ZCCHC7: variants seen among roughly 807,000 people sequenced by gnomAD.
ZCCHC7 encodes zinc finger CCHC domain-containing protein 7.
A neutral mutation model predicts 52.0 loss-of-function variants in ZCCHC7; 35 were observed. The ratio of observed to expected loss-of-function variants is 0.67; its 90% confidence interval spans 0.51 to 0.89. The LOEUF is 0.89. Ranked by LOEUF, ZCCHC7 falls within the 40% of genes least tolerant of loss-of-function variation. ZCCHC7 has a pLI of 0.00. For synonymous variants in ZCCHC7, 217 were observed against 221.5 expected, an observed-to-expected ratio of 0.98 and a Z score of 0.18; for missense variants, 574 against 649.1, an observed-to-expected ratio of 0.88 and a Z score of 1.26.
chr9:37,174,269 A>G lies in ZCCHC7; in HGVS notation c.610+47327A>G, dbSNP rs183326377. 2.5e-3 allele frequency among the ~76,000 whole-genome samples: 380 copies of G among 152,258 alleles called. 2 individuals carry two copies. The highest frequency in any genetic ancestry group is 8.5e-3 in the African/African-American group (353 of 41,548). On this transcript the variant is annotated intron_variant, in intron 2 of 8. Coordinates refer to ENST00000336755, the MANE Select transcript of ZCCHC7 (RefSeq NM_032226.3). Reference sequence around the variant, plus strand: ...GGTTGCGGTGAGCTGAGATCACACCACTGCACTCCAGCCTCTAGTCTGGGT... The same window carrying G: ...GGTTGCGGTGAGCTGAGATCACACCGCTGCACTCCAGCCTCTAGTCTGGGT...
chr9:37,218,864 G>A (rs1480842518), intron 2 of ZCCHC7, among the ~76,000 whole-genome samples: 5 of 151,530 alleles, frequency 3.3e-5, no homozygotes, highest in African/African-American at 1.2e-4. Context: ...GAAAGAAGGT[G>A]TTAGAGAGGG....
At chr9:37,331,949 A>G (rs1296270307) in intron 6 of ZCCHC7, among the ~76,000 whole-genome samples, 2 of 151,530 alleles carry the variant, frequency 1.3e-5, no homozygotes, top group Non-Finnish European at 3.0e-5. Context: ...TATTGGTACC[A>G]TTTTTGAGGC....
intron 2 of ZCCHC7, among the ~76,000 whole-genome samples, chr9:37,263,609 CT>C (rs2133456563): frequency 1.3e-5 from 2 of 152,186 alleles, no homozygotes; most frequent in South Asian, 4.1e-4. Context: ...GACATCAGGC[CT>C]TTTCATTTAT....
chr9:37,328,677 A>G (rs534592725), intron 6 of ZCCHC7, among the ~76,000 whole-genome samples: 2 of 152,088 alleles, frequency 1.3e-5, no homozygotes, highest in African/African-American at 4.8e-5. Flanking sequence ...TTACACAAAG[A>G]CAGGTTGTAA....
In ZCCHC7 at chr9:37,302,322, G is replaced by A; in HGVS notation, c.654+91G>A. 3 of 1,073,298 alleles carry A rather than the reference G, an allele frequency of 2.8e-6. 1 individual carries two copies. The highest frequency in any genetic ancestry group is 2.9e-5 in the South Asian group (2 of 69,944). The allele number at this position is 1,073,298 out of a possible 1,614,324, so 66.5% of individuals were successfully genotyped here. ...ACTTTTGGAACATTAATAAGTTTAA[G>A]TGGCTTATAAGAAAACATTTGATTT... On this transcript the variant is annotated intron_variant, in intron 3 of 8. Transcript: ENST00000336755.
At chr9:37,177,818 T>G (rs559175021) in intron 2 of ZCCHC7, among the ~76,000 whole-genome samples, 3 of 152,178 alleles carry the variant, frequency 2.0e-5, no homozygotes, top group Non-Finnish European at 4.4e-5. Flanking sequence ...GTAGAATACC[T>G]AACCCAGTAT....
chr9:37,266,032 T>C (rs1003122573), intron 2 of ZCCHC7, among the ~76,000 whole-genome samples: 6 of 152,224 alleles, frequency 3.9e-5, no homozygotes, highest in African/African-American at 1.4e-4. Context: ...CTTAGCATAA[T>C]GCCACTTCTA....
chr9:37,176,546 G>A (rs1159206178), intron 2 of ZCCHC7, among the ~76,000 whole-genome samples: 1 of 151,676 alleles, frequency 6.6e-6, no homozygotes, highest in African/African-American at 2.4e-5. Context: ...AATAATATAT[G>A]TCAATATATT....
intron 2 of ZCCHC7, among the ~76,000 whole-genome samples, chr9:37,262,287 T>C (rs1826902452): frequency 6.6e-6 from 1 of 152,114 alleles, no homozygotes; most frequent in Non-Finnish European, 1.5e-5. Flanking sequence ...GAAAGTACAC[T>C]GAAGTATAAA....
At chr9:37,179,373 G>T (rs560529964) in intron 2 of ZCCHC7, among the ~76,000 whole-genome samples, 9 of 152,098 alleles carry the variant, frequency 5.9e-5, no homozygotes, top group Non-Finnish European at 1.3e-4. Context: ...TTTACCTGCC[G>T]TAATAGTGCG....
intron 2 of ZCCHC7, among the ~76,000 whole-genome samples, chr9:37,188,122 G>A (rs1038714566): frequency 7.2e-5 from 11 of 151,990 alleles, no homozygotes; most frequent in Non-Finnish European, 1.3e-4. Context: ...CTATTGTCCT[G>A]TAAGTCCTTG....
intron 2 of ZCCHC7, among the ~76,000 whole-genome samples, chr9:37,185,328 C>T (rs989320219): frequency 6.6e-6 from 1 of 152,110 alleles, no homozygotes; most frequent in African/African-American, 2.4e-5. Flanking sequence ...CCTGGGTGTT[C>T]CATTTGATCT....
At chr9:37,223,669 AAG>A (rs1457874368) in intron 2 of ZCCHC7, among the ~76,000 whole-genome samples, 3 of 152,168 alleles carry the variant, frequency 2.0e-5, no homozygotes, top group African/African-American at 7.2e-5. Flanking sequence ...ACCACAGTAA[AAG>A]AGAAAAATGA....
intron 5 of ZCCHC7, among the ~76,000 whole-genome samples, chr9:37,306,953 A>G (rs1029696163): frequency 6.6e-6 from 1 of 150,802 alleles, no homozygotes; most frequent in African/African-American, 2.4e-5. Context: ...ATGCCTGGCT[A>G]ATTTTTGTAT....
intron 5 of ZCCHC7, among the ~76,000 whole-genome samples, chr9:37,306,823 T>TGTCAC (rs1213121998): frequency 8.1e-6 from 1 of 123,678 alleles, no homozygotes; most frequent in East Asian, 2.6e-4. Context: ...GGTCTCGCTC[T>TGTCAC]GTCACGGTGG....
intron 6 of ZCCHC7, among the ~76,000 whole-genome samples, chr9:37,336,942 G>A (rs577719333): frequency 2.6e-5 from 4 of 152,186 alleles, no homozygotes; most frequent in Middle Eastern, 3.4e-3. Context: ...TCCAAACAGT[G>A]GTAAGATACC....
intron 2 of ZCCHC7, among the ~76,000 whole-genome samples, chr9:37,206,341 C>G (rs1823912590): frequency 6.7e-6 from 1 of 149,920 alleles, no homozygotes; most frequent in South Asian, 2.1e-4. Flanking sequence ...TCTCTCATTC[C>G]TCTTCCCTCC....
At chr9:37,135,428 A>G (rs2132736541) in intron 2 of ZCCHC7, among the ~76,000 whole-genome samples, 1 of 152,324 alleles carries the variant, frequency 6.6e-6, no homozygotes, top group Non-Finnish European at 1.5e-5. Context: ...CTCAGGTTTT[A>G]AAAAGAAAAA....
intron 2 of ZCCHC7, among the ~76,000 whole-genome samples, chr9:37,127,585 T>C (rs538467234): frequency 3.5e-4 from 54 of 152,356 alleles, no homozygotes; most frequent in African/African-American, 1.3e-3. Flanking sequence ...TCTTAATGCT[T>C]ATGCCTTCAA....
Sources: gnomAD v4.1 joint callset for allele counts (sites outside exome capture counted in the v4.1 genomes callset) on GRCh38, gnomAD v4.1.1 for gene constraint, MANE v1.5 for transcripts, NCBI Gene and HGNC (gene_info 2026-07-23, HGNC 2026-07-21) for gene names.